The following ARHGAP17 variants were observed in gnomAD, a reference collection of about 807,000 sequenced individuals.
ARHGAP17 encodes Rho GTPase activating protein 17.
A neutral mutation model predicts 99.5 loss-of-function variants in ARHGAP17; 57 were observed. The ratio of observed to expected loss-of-function variants is 0.57; its 90% CI spans 0.46 to 0.71. The LOEUF (loss-of-function observed/expected upper bound fraction) is 0.71, where lower values mean the gene tolerates loss of function less well. Ranked by LOEUF, ARHGAP17 falls within the 30% of genes least tolerant of loss-of-function variation. ARHGAP17 has a pLI of 0.00. For synonymous variants in ARHGAP17, 417 were observed against 429.6 expected (o/e 0.97, Z 0.36); for missense variants, 1,000 against 1,122.4 (o/e 0.89, Z 1.56).
intron 1 of ARHGAP17, among the ~76,000 whole-genome samples, chr16:25,007,887 T>C (rs563025399): frequency 2.6e-5 from 4 of 152,174 alleles, no homozygotes; most frequent in Non-Finnish European, 5.9e-5. Flanking sequence ...ACGTTCACCA[T>C]GGCAACAAGT....
At chr16:24,978,164 C>A (rs561209434) in intron 2 of ARHGAP17, among the ~76,000 whole-genome samples, 42 of 152,306 alleles carry the variant, frequency 2.8e-4, no homozygotes, top group South Asian at 1.2e-3. Context: ...AATCCACATT[C>A]ATTTGCCACC....
chr16:24,946,850 A>G (rs982762425), intron 14 of ARHGAP17, among the ~76,000 whole-genome samples: 6 of 152,228 alleles, frequency 3.9e-5, no homozygotes, highest in Non-Finnish European at 8.8e-5. Context: ...CTTTTTGTCC[A>G]ACTTCATATA....
At chr16:25,005,364 A>G (rs183696208) in intron 1 of ARHGAP17, among the ~76,000 whole-genome samples, 1 of 152,382 alleles carries the variant, frequency 6.6e-6, no homozygotes, top group Admixed American at 6.5e-5. Flanking sequence ...ATCTGTACCT[A>G]GTCATGAATG....
chr16:24,949,849 A>C (rs1597392215), intron 12 of ARHGAP17, among the ~76,000 whole-genome samples: 1 of 152,060 alleles, frequency 6.6e-6, no homozygotes, highest in African/African-American at 2.4e-5. Flanking sequence ...AAATTCTCCT[A>C]CCCTCAAGCA....
intron 1 of ARHGAP17, among the ~76,000 whole-genome samples, chr16:24,983,000 T>TATATATATA (rs61571101): frequency 3.9e-4 from 11 of 28,560 alleles, no homozygotes; most frequent in South Asian, 1.1e-3. Flanking sequence ...ATATATATTT[T>TATATATATA]TTTTTTTTTT....
chr16:24,941,340 A>G (rs1016884318), intron 16 of ARHGAP17, among the ~76,000 whole-genome samples: 1 of 152,060 alleles, frequency 6.6e-6, no homozygotes, highest in Non-Finnish European at 1.5e-5. Context: ...CATCACACAC[A>G]TGGGACAGGT....
At chr16:25,013,049 C>G (rs1378729770) in intron 1 of ARHGAP17, among the ~76,000 whole-genome samples, 1 of 152,188 alleles carries the variant, frequency 6.6e-6, no homozygotes, top group Non-Finnish European at 1.5e-5. Context: ...AGGTATTTAT[C>G]TGATGGAGAA....
intron 17 of ARHGAP17, 92 bp from the exon 18 acceptor site, chr16:24,935,731 T>A: frequency 7.3e-7 from 1 of 1,374,306 alleles, no homozygotes; most frequent in South Asian, 1.2e-5. Flanking sequence ...CCAAGCAGAG[T>A]TTTCACTTCG....
intron 1 of ARHGAP17, among the ~76,000 whole-genome samples, chr16:24,983,914 A>T (rs1479681360): frequency 6.6e-6 from 1 of 152,180 alleles, no homozygotes; most frequent in Non-Finnish European, 1.5e-5. Flanking sequence ...TCAAAGCAGC[A>T]GTGCTGCCCA....
intron 1 of ARHGAP17, among the ~76,000 whole-genome samples, chr16:25,009,654 T>C (rs1238174411): frequency 6.6e-6 from 1 of 152,114 alleles, no homozygotes; most frequent in South Asian, 2.1e-4. Context: ...TGGTCCATTC[T>C]ACATACCTCC....
At position 24,952,924 on chromosome 16, in the gene ARHGAP17, C is replaced by T. The variant is rs762497063; in HGVS notation, c.964+7G>A. On this transcript the variant is annotated splice_region_variant and intron_variant, in intron 11 of 19. Coordinates refer to ENST00000289968, the MANE Select transcript of ARHGAP17 (RefSeq NM_001006634.3). ...GACTTGATTTGCAGACACTCTTTGG[C>T]GCTCACCTGCTACAGCATGGGGGTC... 3.5e-5 allele frequency: 56 copies of T among 1,612,890 alleles called. No individual in the cohort carries two copies. The highest frequency in any genetic ancestry group is 4.0e-5 in the African/African-American group (3 of 74,922).
rs370308833 is a variant in ARHGAP17 at position 24,929,492 on chromosome 16, C to CACGGTCAA, written c.2515+1284_2515+1291dup. 2.0e-4 allele frequency: 132 copies of CACGGTCAA among 658,404 alleles called. No homozygotes were observed. The African/African-American group carries it at 2.5e-3, about 13-fold the overall frequency. 40.8% of individuals were successfully genotyped at this position (658,404 alleles called of 1,614,324 possible). A position where few individuals can be genotyped will look rare whatever the true frequency, so the allele number is the denominator to read the frequency against. On this transcript the variant is annotated intron_variant, in intron 19 of 19. Coordinates refer to ENST00000289968, the MANE Select transcript of ARHGAP17 (RefSeq NM_001006634.3). ...GGATGGCCTATTGGCTGTCAGGGCA[C>CACGGTCAA]ACGGTCAAACGGCTGCTCCTGAGCA...
intron 16 of ARHGAP17, 22 bp downstream of exon 16, chr16:24,941,965 G>C: frequency 6.2e-7 from 1 of 1,613,702 alleles, no homozygotes; most frequent in Non-Finnish European, 8.5e-7. Flanking sequence ...TGCTGGTTTG[G>C]AAGTGAACGG....
At chr16:24,990,254 G>C (rs575919869) in intron 1 of ARHGAP17, among the ~76,000 whole-genome samples, 3 of 152,356 alleles carry the variant, frequency 2.0e-5, no homozygotes, top group Admixed American at 6.5e-5. Flanking sequence ...GGAGGCCAAA[G>C]TGGGAGAATC....
intron 2 of ARHGAP17, among the ~76,000 whole-genome samples, chr16:24,978,387 G>C (rs1487944275): frequency 1.3e-5 from 2 of 152,164 alleles, no homozygotes; most frequent in African/African-American, 4.8e-5. Context: ...AGGTATTCAA[G>C]AATCAACAGC....
intron 1 of ARHGAP17, among the ~76,000 whole-genome samples, chr16:24,985,384 AG>A (rs1937997993): frequency 6.6e-6 from 1 of 152,242 alleles, no homozygotes. Context: ...AGGTGGCAGC[AG>A]GGCTGAATGC....
chr16:24,973,745 T>C (rs921582593), intron 3 of ARHGAP17, among the ~76,000 whole-genome samples: 1 of 152,190 alleles, frequency 6.6e-6, no homozygotes, highest in African/African-American at 2.4e-5. Context: ...TGTATGTATC[T>C]CCCCCATGAG....
intron 3 of ARHGAP17, among the ~76,000 whole-genome samples, 176 bp downstream of exon 3, chr16:24,977,039 C>A (rs1009291095): frequency 6.6e-6 from 1 of 152,202 alleles, no homozygotes; most frequent in South Asian, 2.1e-4. Context: ...TCCAGCCCAG[C>A]GATGTCTTAA....
chr16:24,944,130 G>GC (rs1405789944), intron 14 of ARHGAP17, among the ~76,000 whole-genome samples: 1 of 151,954 alleles, frequency 6.6e-6, no homozygotes, highest in African/African-American at 2.4e-5. Flanking sequence ...AATTAGCCAG[G>GC]CGTGGTGGTG....
Sources: allele counts gnomAD v4.1 joint callset (sites outside exome capture counted in the v4.1 genomes callset), GRCh38; gene constraint gnomAD v4.1.1; transcripts MANE v1.5; gene names NCBI Gene and HGNC (gene_info 2026-07-23, HGNC 2026-07-21).